The following WDR59 variants were observed in gnomAD, a reference collection of about 807,000 sequenced individuals.
WDR59 encodes WD repeat domain 59.
Under a neutral mutation model 131.2 loss-of-function variants are expected in WDR59, and 100 were observed. That is an observed-to-expected ratio of 0.76 (90% CI 0.65 to 0.90). The LOEUF is 0.90. Among genes scored for constraint, WDR59 ranks in the 40% least tolerant of loss-of-function variants. The probability of loss-of-function intolerance (pLI) is 0.00; values close to 1 mark genes in which losing one functional copy is unlikely to be tolerated. For missense variants in WDR59, 1,203 were observed against 1,262.2 expected (o/e 0.95, Z 0.71); for synonymous variants, 601 against 466.2 (o/e 1.29, Z -3.72).
chr16:74,903,255 G>A lies in WDR59; in HGVS notation c.1866+692C>T, dbSNP rs141385548. 1.6e-4 allele frequency among the ~76,000 whole-genome samples: 24 copies of A among 152,342 alleles called. 1 individual carries two copies. Among genetic ancestry groups the A allele is most frequent in the Non-Finnish European group, 3.2e-4 (22 of 68,036 alleles). The stretch of plus-strand genomic sequence containing the variant: ...TTGTGCAGTGCTCAGTGGTAACTCT[G>A]TTTAAAACATCATGTCAGCTAGAAG... On this transcript the variant is annotated intron_variant, in intron 18 of 25. Transcript: ENST00000262144.
At chr16:74,901,541 G>A (rs1965550555) in intron 18 of WDR59, among the ~76,000 whole-genome samples, 1 of 151,886 alleles carries the variant, frequency 6.6e-6, no homozygotes, top group Non-Finnish European at 1.5e-5. Context: ...TCAGGAGGCG[G>A]CTGAGGTGGA....
chr16:74,958,386 G>C (rs960664662), intron 2 of WDR59, among the ~76,000 whole-genome samples: 3 of 151,146 alleles, frequency 2.0e-5, no homozygotes, highest in African/African-American at 7.3e-5. Context: ...GGTCAGAAGT[G>C]GGAGACCAGC....
intron 3 of WDR59, among the ~76,000 whole-genome samples, chr16:74,952,505 G>T (rs2033065811): frequency 7.0e-6 from 1 of 143,810 alleles, no homozygotes; most frequent in African/African-American, 2.6e-5. Context: ...GGGTGTCCTA[G>T]AAGGCAAAAT....
chr16:74,912,226 G>T lies in WDR59; in HGVS notation c.1361C>A (p.Thr454Lys), dbSNP rs780977659. ...SFQFINPTTI[T>K]STMKAKLLKI... ...CAGCAGCTTAGCTTTCATGGTGGAT[G>T]TGATGGTTGTGGGGTTAATAAACTG... The change falls in exon 14 of 26, where the codon ACA becomes AAA. Residue 454 changes from threonine to lysine, a missense_variant. Physicochemically the swap from Thr to Lys is moderately conservative, Grantham distance 78. Coordinates refer to ENST00000262144, the MANE Select transcript of WDR59 (RefSeq NM_030581.4). The T allele has an allele frequency of 6.2e-7, 1 of 1,614,202 alleles. No individual in the cohort carries two copies. Among genetic ancestry groups the T allele is most frequent in the Non-Finnish European group, 8.5e-7 (1 of 1,180,032 alleles).
In WDR59 at chr16:74,874,176, T is replaced by C; in HGVS notation, c.*33A>G. ...TTGTCACCGGCACTTATGGGTCCTC[T>C]GGGATTTCAGACAATACCCAACTTC... is the stretch of plus-strand genomic sequence containing the variant. On this transcript the variant is annotated 3_prime_UTR_variant, in exon 26 of 26. Transcript: ENST00000262144. 1 of 1,579,676 alleles carries C rather than the reference T, an allele frequency of 6.3e-7. No homozygotes were observed. Among genetic ancestry groups the C allele is most frequent in the Non-Finnish European group, 8.6e-7 (1 of 1,156,500 alleles).
At chr16:74,906,433 G>T (rs1035003526) in intron 17 of WDR59, among the ~76,000 whole-genome samples, 1 of 151,868 alleles carries the variant, frequency 6.6e-6, no homozygotes, top group East Asian at 1.9e-4. Context: ...CTGAAACATT[G>T]CTAGTGACAG....
intron 19 of WDR59, 35 bp downstream of exon 19, chr16:74,893,644 T>C (rs2144834817): frequency 1.3e-6 from 2 of 1,562,048 alleles, no homozygotes; most frequent in Non-Finnish European, 8.7e-7. Context: ...CCTGGCTAAA[T>C]GATGAGTGCA....
intron 8 of WDR59, among the ~76,000 whole-genome samples, chr16:74,927,587 CA>C (rs370386044): frequency 0.016 from 920 of 57,954 alleles, 6 homozygotes; most frequent in African/African-American, 0.065. Flanking sequence ...GACTCCATCT[CA>C]AAAAAAAAAA....
At chr16:74,940,174 T>C (rs1280862057) in intron 7 of WDR59, among the ~76,000 whole-genome samples, 2 of 149,782 alleles carry the variant, frequency 1.3e-5, no homozygotes, top group African/African-American at 4.9e-5. Flanking sequence ...AGGTCAGGAG[T>C]TCAAGACCAG....
Position 74,938,236 on chromosome 16 carries a change from C to A in WDR59, c.565G>T (p.Ala189Ser). ...AGGCCATGGATTTTGGAGAGGTGGG[C>A]GGCTAGATATTCCACTGCTGTACTG... is the stretch of plus-strand genomic sequence containing the variant. ...KPSTAVEYLA[A>S]HLSKIHGLDW... Residue 189 changes from alanine to serine, a missense_variant, in exon 8 of 26, where the codon GCC becomes TCC. By Grantham distance (99) the Ala-to-Ser change is moderately conservative. Coordinates refer to ENST00000262144, the MANE Select transcript of WDR59 (RefSeq NM_030581.4). 2 of 1,563,726 alleles carry A rather than the reference C, an allele frequency of 1.3e-6. No individual in the cohort carries two copies. Among genetic ancestry groups the A allele is most frequent in the Admixed American group, 1.9e-5 (1 of 52,696 alleles).
intron 1 of WDR59, among the ~76,000 whole-genome samples, chr16:74,971,426 C>CTTTTTTTTTT (rs58120924): frequency 7.8e-5 from 7 of 90,186 alleles, no homozygotes; most frequent in African/African-American, 9.5e-5. Flanking sequence ...TCTTTCCTTC[C>CTTTTTTTTTT]TTTTTTTTTT....
At chr16:74,929,257 A>G (rs1203186863) in intron 8 of WDR59, among the ~76,000 whole-genome samples, 1 of 152,086 alleles carries the variant, frequency 6.6e-6, no homozygotes. Flanking sequence ...TTGTATTTTT[A>G]GTAGAGACGG....
At chr16:74,929,335 A>T (rs1018460575) in intron 8 of WDR59, among the ~76,000 whole-genome samples, 12 of 152,192 alleles carry the variant, frequency 7.9e-5, no homozygotes, top group Admixed American at 4.6e-4. Flanking sequence ...TCGGCCTCCC[A>T]AAGTGCTGGG....
rs61511176 is a variant in WDR59, at chr16:74,927,683, A to AACACACAC, written c.652-3688_652-3681dup. Among the ~76,000 whole-genome samples, 179 of 118,248 alleles carry AACACACAC rather than the reference A, an allele frequency of 1.5e-3. 2 individuals carry two copies. Among genetic ancestry groups the AACACACAC allele is most frequent in the African/African-American group, 5.1e-3 (163 of 31,926 alleles). The allele number at this position is 118,248 out of a possible 152,430, so 77.6% of individuals were successfully genotyped here. On this transcript the variant is annotated intron_variant, in intron 8 of 25. Transcript: ENST00000262144. ...GTTTTAGATTTGCTGCTCTTTAAAA[A>AACACACAC]ACACACACACACACACACACACACA...
At chr16:74,966,639 C>T (rs180747755) in intron 1 of WDR59, among the ~76,000 whole-genome samples, 4 of 152,202 alleles carry the variant, frequency 2.6e-5, no homozygotes, top group African/African-American at 7.2e-5. Context: ...CCAAGACACC[C>T]GTGACTTTCC....
intron 13 of WDR59, 103 bp downstream of exon 13, chr16:74,915,767 A>T: frequency 6.5e-7 from 1 of 1,539,730 alleles, no homozygotes; most frequent in Non-Finnish European, 8.9e-7. Flanking sequence ...GAGTTCTGTT[A>T]AAGCTGCAAA....
chr16:74,967,820 T>G (rs2033833640), intron 1 of WDR59, among the ~76,000 whole-genome samples: 1 of 143,774 alleles, frequency 7.0e-6, no homozygotes, highest in African/African-American at 2.6e-5. Context: ...GACATGCCAC[T>G]GCACTCCAGC....
intron 8 of WDR59, among the ~76,000 whole-genome samples, chr16:74,934,185 A>G (rs2145061112): frequency 6.6e-6 from 1 of 152,336 alleles, no homozygotes; most frequent in Admixed American, 6.5e-5. Flanking sequence ...CAGATTAATT[A>G]TATACAAGTA....
chr16:74,924,310 T>C (rs1054755663), intron 8 of WDR59, among the ~76,000 whole-genome samples: 1 of 152,248 alleles, frequency 6.6e-6, no homozygotes, highest in Non-Finnish European at 1.5e-5. Context: ...GTGTTTGATT[T>C]TGTATCACGT....
Sources: allele counts gnomAD v4.1 joint callset (sites outside exome capture counted in the v4.1 genomes callset), GRCh38; gene constraint gnomAD v4.1.1; transcripts MANE v1.5; gene names NCBI Gene and HGNC (gene_info 2026-07-23, HGNC 2026-07-21).